The following CNTN6 variants were observed in gnomAD, a reference collection of about 807,000 sequenced individuals.
CNTN6 encodes the protein contactin-6.
Under a neutral mutation model 122.8 loss-of-function variants are expected in CNTN6, and 137 were observed. The ratio of observed to expected loss-of-function variants is 1.12; its 90% CI spans 0.97 to 1.29. CNTN6 has a LOEUF of 1.29. Among genes scored for constraint, CNTN6 ranks in the 50% most tolerant of loss-of-function variants. The pLI is 0.00. For missense variants in CNTN6, 1,634 were observed against 1,223.4 expected, an observed-to-expected ratio of 1.34 and a Z score of -5.01; for synonymous variants, 570 against 426.0, an observed-to-expected ratio of 1.34 and a Z score of -4.16.
intron 1 of CNTN6, among the ~76,000 whole-genome samples, chr3:1,116,266 T>C (rs1448890278): frequency 6.6e-6 from 1 of 152,044 alleles, no homozygotes; most frequent in Non-Finnish European, 1.5e-5. Context: ...TGTAGTAGTG[T>C]AGGAAAGGGC....
At chr3:1,381,739 A>G (rs762493834) in intron 17 of CNTN6, among the ~76,000 whole-genome samples, 2 of 151,900 alleles carry the variant, frequency 1.3e-5, no homozygotes, top group African/African-American at 4.8e-5. Context: ...CTTAGCTTCT[A>G]TTGCCTCACT....
intron 7 of CNTN6, among the ~76,000 whole-genome samples, chr3:1,321,030 C>A: frequency 6.6e-6 from 1 of 151,206 alleles, no homozygotes; most frequent in Non-Finnish European, 1.5e-5. Flanking sequence ...TAAATGAGTA[C>A]TTTTTTTGAG....
intron 1 of CNTN6, among the ~76,000 whole-genome samples, chr3:1,121,569 C>T (rs919879973): frequency 6.6e-6 from 1 of 151,834 alleles, no homozygotes; most frequent in South Asian, 2.1e-4. Flanking sequence ...ATTTCACTTG[C>T]CTGTATTCTT....
At chr3:1,258,493 G>A (rs957751971) in intron 4 of CNTN6, among the ~76,000 whole-genome samples, 2 of 152,014 alleles carry the variant, frequency 1.3e-5, no homozygotes, top group Non-Finnish European at 2.9e-5. Flanking sequence ...TGCTTCATAC[G>A]AGTCACAAAG....
chr3:1,235,853 T>C (rs1343452783), intron 4 of CNTN6, among the ~76,000 whole-genome samples: 1 of 150,850 alleles, frequency 6.6e-6, no homozygotes, highest in Non-Finnish European at 1.5e-5. Context: ...ATAGACTCAG[T>C]GCTGCTGGGG....
intron 7 of CNTN6, among the ~76,000 whole-genome samples, chr3:1,314,362 G>GCTCA (rs1358964839): frequency 6.6e-6 from 1 of 152,058 alleles, no homozygotes; most frequent in East Asian, 1.9e-4. Flanking sequence ...CCTGAAATGA[G>GCTCA]GTTCAAGTTA....
chr3:1,262,630 A>G (rs1425519736), intron 4 of CNTN6, among the ~76,000 whole-genome samples: 1 of 152,184 alleles, frequency 6.6e-6, no homozygotes, highest in Non-Finnish European at 1.5e-5. Flanking sequence ...GAAATGAACT[A>G]GAAAATCAAC....
intron 4 of CNTN6, among the ~76,000 whole-genome samples, chr3:1,245,912 G>GC (rs1350003125): frequency 6.7e-6 from 1 of 149,376 alleles, no homozygotes; most frequent in African/African-American, 2.5e-5. Flanking sequence ...TAGCTGATGA[G>GC]CTAAAAAAAA....
rs187640048 is a variant in CNTN6 at position 1,372,234 on chromosome 3, T to C, written c.1493-65T>C. 2.2e-3 allele frequency: 2,791 copies of C among 1,243,044 alleles called. 10 individuals are homozygous for C. The highest frequency in any genetic ancestry group is 2.3e-3 in the Non-Finnish European group (2,110 of 902,534). 77.0% of individuals were successfully genotyped at this position (1,243,044 alleles called of 1,614,324 possible). A position where few individuals can be genotyped will look rare whatever the true frequency, so the allele number is the denominator to read the frequency against. On this transcript the variant is annotated intron_variant, in intron 12 of 22. Transcript: ENST00000446702. ...AAATGAATGATAAAGTATTCAGAAATATGTATTTTATAACCATAGGCTAGC... is the reference window on the plus strand; with the variant it reads ...AAATGAATGATAAAGTATTCAGAAACATGTATTTTATAACCATAGGCTAGC...
At position 1,317,888 on chromosome 3, in the gene CNTN6, T is replaced by TA. The variant is rs76953561; in HGVS notation, c.762-3746dup. On this transcript the variant is annotated intron_variant, in intron 7 of 22. Transcript: ENST00000446702. ...TTGTAAGGAAAATAAAAATGCAGGT[T>TA]AAAAAAAAAAAAAAAAGCAAACACA... is the stretch of plus-strand genomic sequence containing the variant. Among the ~76,000 whole-genome samples, 504 of 130,740 alleles carry TA rather than the reference T, an allele frequency of 3.9e-3. 3 individuals are homozygous for TA. The highest frequency in any genetic ancestry group is 7.8e-3 in the Middle Eastern group (2 of 256). The allele number at this position is 130,740 out of a possible 152,430, so 85.8% of individuals were successfully genotyped here.
Position 1,265,044 on chromosome 3 carries a change from CTTTT to C in CNTN6, c.359-13353_359-13350del, listed in dbSNP as rs201949693. On this transcript the variant is annotated intron_variant, in intron 4 of 22. Coordinates refer to ENST00000446702, the MANE Select transcript of CNTN6 (RefSeq NM_001289080.2). Reference sequence around the variant, plus strand: ...ATGTTGCCACAAATGACCGAATTTCCTTTTTTTTTTTTTTTTTTTGGCTGGATAG... The same window carrying C: ...ATGTTGCCACAAATGACCGAATTTCCTTTTTTTTTTTTTTTGGCTGGATAG... Among the ~76,000 whole-genome samples the C allele has an allele frequency of 8.9e-5, 9 of 100,736 alleles. No homozygotes were observed. The South Asian group carries it at 1.5e-3, about 16-fold the overall frequency. 66.1% of individuals were successfully genotyped at this position (100,736 alleles called of 152,430 possible).
intron 4 of CNTN6, among the ~76,000 whole-genome samples, chr3:1,243,701 C>T (rs1265200172): frequency 6.6e-6 from 1 of 152,118 alleles, no homozygotes; most frequent in Non-Finnish European, 1.5e-5. Flanking sequence ...TGGCTCCAGC[C>T]ACCTTTTAAA....
intron 12 of CNTN6, among the ~76,000 whole-genome samples, chr3:1,367,683 T>C (rs934886499): frequency 4.6e-5 from 7 of 152,120 alleles, no homozygotes; most frequent in African/African-American, 9.7e-5. Flanking sequence ...GCAGTCGGCA[T>C]GCGTGCACAG....
At chr3:1,385,818 G>A (rs748163114) in intron 20 of CNTN6, 21 bp downstream of exon 20, 2 of 1,577,538 alleles carry the variant, frequency 1.3e-6, no homozygotes, top group Admixed American at 3.7e-5. Context: ...ATACACTCCA[G>A]GAAACAAGAT....
At chr3:1,176,394 G>A (rs993037751) in intron 2 of CNTN6, among the ~76,000 whole-genome samples, 1 of 152,204 alleles carries the variant, frequency 6.6e-6, no homozygotes, top group Non-Finnish European at 1.5e-5. Context: ...TGGGCAACAA[G>A]AGTGAAACTC....
chr3:1,327,369 A>G (rs544506972), intron 9 of CNTN6, 88 bp from the exon 10 acceptor site: 1 of 1,341,658 alleles, frequency 7.5e-7, no homozygotes, highest in South Asian at 1.3e-5. Context: ...TCTCATAGAT[A>G]TACACAAATG....
At chr3:1,200,099 G>C (rs977547023) in intron 2 of CNTN6, among the ~76,000 whole-genome samples, 1 of 151,900 alleles carries the variant, frequency 6.6e-6, no homozygotes, top group Non-Finnish European at 1.5e-5. Context: ...CTCTGTTGCT[G>C]AGGCTGTCAC....
rs114417123 is a variant in CNTN6, at chr3:1,167,514, G to A, written c.55+19451G>A. Among the ~76,000 whole-genome samples the A allele has an allele frequency of 7.7e-3, 1,168 of 152,246 alleles. 6 individuals carry two copies. Among genetic ancestry groups the A allele is most frequent in the Non-Finnish European group, 0.012 (847 of 68,014 alleles). On this transcript the variant is annotated intron_variant, in intron 2 of 22. Transcript: ENST00000446702. Reference sequence around the variant, plus strand: ...ACATATTAAAATAATGAAGTGCCCCGTGAGTCACAATGATCATCACAAACA... The same window carrying A: ...ACATATTAAAATAATGAAGTGCCCCATGAGTCACAATGATCATCACAAACA...
intron 3 of CNTN6, among the ~76,000 whole-genome samples, chr3:1,225,989 A>T (rs1185822476): frequency 6.6e-6 from 1 of 152,154 alleles, no homozygotes; most frequent in African/African-American, 2.4e-5. Context: ...CATTTGTCAG[A>T]TTCTCCCCAT....
Sources: gnomAD v4.1 joint callset for allele counts (sites outside exome capture counted in the v4.1 genomes callset) on GRCh38, gnomAD v4.1.1 for gene constraint, MANE v1.5 for transcripts, NCBI Gene and HGNC (gene_info 2026-07-23, HGNC 2026-07-21) for gene names.